COL4A2: variants seen among roughly 807,000 people sequenced by gnomAD.
COL4A2 encodes the protein collagen type IV alpha 2 chain.
In COL4A2, 99 loss-of-function variants were observed where a neutral mutation model predicts 200.2. The observed-to-expected ratio is 0.49, with a 90% CI of 0.42 to 0.58. COL4A2 has a LOEUF of 0.58. Among genes scored for constraint, COL4A2 ranks in the 20% least tolerant of loss-of-function variants. The probability of loss-of-function intolerance (pLI) is 0.00; values close to 1 mark genes in which losing one functional copy is unlikely to be tolerated. For synonymous variants in COL4A2, 897 were observed against 900.6 expected, an observed-to-expected ratio of 1.00 and a Z score of 0.07; for missense variants, 1,950 against 2,314.1, an observed-to-expected ratio of 0.84 and a Z score of 3.23.
At chr13:110,470,994 G>A (rs1283383465) in intron 28 of COL4A2, among the ~76,000 whole-genome samples, 2 of 152,102 alleles carry the variant, frequency 1.3e-5, no homozygotes, top group East Asian at 1.9e-4. Flanking sequence ...TGAAGCAAAG[G>A]AAGTCTCCAT....
rs1297799101 is a variant in COL4A2 at position 110,504,355 on chromosome 13, C to T, written c.4402+91C>T. On this transcript the variant is annotated intron_variant, in intron 45 of 47. Transcript: ENST00000360467. ...TCTGCAGGAAGGGGACACACGAGAG[C>T]CCAGAAAAGCCAGAAATGAGGCGCT... 6.5e-6 allele frequency: 7 copies of T among 1,079,160 alleles called. No homozygotes were observed. The African/African-American group carries it at 1.1e-4, about 17-fold the overall frequency. 66.8% of individuals were successfully genotyped at this position (1,079,160 alleles called of 1,614,324 possible).
intron 29 of COL4A2, chr13:110,477,793 G>A (rs1288877249): frequency 4.8e-6 from 2 of 415,300 alleles, no homozygotes; most frequent in African/African-American, 4.1e-5. Flanking sequence ...ACAAGGGCAG[G>A]AAGGAAATTC....
chr13:110,355,415 GTGT>G (rs1272644530), intron 3 of COL4A2, among the ~76,000 whole-genome samples: 14 of 105,320 alleles, frequency 1.3e-4, no homozygotes, highest in East Asian at 2.9e-4. Flanking sequence ...TCACCTGTGT[GTGT>G]GGGGGAGGGC....
rs151286335 is a variant in COL4A2 at position 110,431,503 on chromosome 13, C to G, written c.649-822C>G. 5.3e-5 allele frequency among the ~76,000 whole-genome samples: 8 copies of G among 152,312 alleles called. No homozygotes were observed. The East Asian group carries it at 1.5e-3, about 29-fold the overall frequency. ...CCCGGTGCTGTGAAAGTCATTCTTG[C>G]AAGTAGCCCCGTCTGTGAAAGACCT... On this transcript the variant is annotated intron_variant, in intron 10 of 47. Transcript: ENST00000360467.
Position 110,504,202 on chromosome 13 carries a change from C to G in COL4A2, c.4340C>G (p.Ala1447Gly). 1 of 1,614,170 alleles carries G rather than the reference C, an allele frequency of 6.2e-7. No individual in the cohort carries two copies. The highest frequency in any genetic ancestry group is 8.5e-7 in the Non-Finnish European group (1 of 1,180,026). ...AGPQGRGGVSAVPGFRGDEGP... is the reference protein window; with the variant it reads ...AGPQGRGGVSGVPGFRGDEGP... ...CCCCAAGGAAGAGGTGGTGTGTCTG[C>G]TGTTCCCGGCTTCCGGGGAGATGAA... Residue 1447 changes from alanine (A) to glycine (G), a missense_variant, in exon 45 of 48, where the codon GCT (alanine) becomes GGT (glycine). Physicochemically the swap from Ala to Gly is moderately conservative, Grantham distance 60. Around this residue, in one of 2 missense-constraint regions of COL4A2, gnomAD observed 1,385 missense variants for 1,720.5 expected, o/e 0.80. Coordinates refer to ENST00000360467, the MANE Select transcript of COL4A2 (RefSeq NM_001846.4).
At chr13:110,443,689 C>T (rs1432246503) in intron 16 of COL4A2, among the ~76,000 whole-genome samples, 1 of 152,154 alleles carries the variant, frequency 6.6e-6, no homozygotes, top group African/African-American at 2.4e-5. Context: ...TCAGCTTTCC[C>T]TAAGGGTGGG....
intron 18 of COL4A2, 80 bp from the exon 19 acceptor site, chr13:110,449,599 T>C: frequency 7.6e-7 from 1 of 1,319,694 alleles, no homozygotes; most frequent in Non-Finnish European, 1.0e-6. Context: ...GGTAAATATG[T>C]AGTCAATGAA....
chr13:110,355,691 T>A (rs59697516), intron 3 of COL4A2, among the ~76,000 whole-genome samples: 1 of 21,934 alleles, frequency 4.6e-5, no homozygotes. Context: ...GGTGGAGGGC[T>A]GTACAGCTCA....
At chr13:110,495,196 G>T in intron 39 of COL4A2, 146 bp from the exon 40 acceptor site, 1 of 879,280 alleles carries the variant, frequency 1.1e-6, no homozygotes, top group African/African-American at 1.7e-5. Flanking sequence ...GTGACCTGGA[G>T]GCCATATATT....
intron 3 of COL4A2, among the ~76,000 whole-genome samples, chr13:110,343,650 G>A (rs905030762): frequency 2.6e-5 from 4 of 152,238 alleles, no homozygotes; most frequent in African/African-American, 9.6e-5. Flanking sequence ...AAAGCTGCAG[G>A]CACCTGAGGC....
chr13:110,467,026 C>T lies in COL4A2; in HGVS notation c.2039-14C>T. Reference sequence around the variant, plus strand: ...GGATTGCTTGGGCTCATCTTTTCTCCTTTCTGTCCCCAGGTTGCATAGGAG... The same window carrying T: ...GGATTGCTTGGGCTCATCTTTTCTCTTTTCTGTCCCCAGGTTGCATAGGAG... On this transcript the variant is annotated splice_polypyrimidine_tract_variant and intron_variant, in intron 26 of 47. Transcript: ENST00000360467. 1 of 1,613,980 alleles carries T rather than the reference C, an allele frequency of 6.2e-7. No individual in the cohort carries two copies. The highest frequency in any genetic ancestry group is 8.5e-7 in the Non-Finnish European group (1 of 1,179,948).
At chr13:110,321,391 T>A (rs1301532354) in intron 3 of COL4A2, among the ~76,000 whole-genome samples, 2 of 152,214 alleles carry the variant, frequency 1.3e-5, no homozygotes, top group East Asian at 3.8e-4. Context: ...GCATTAAACA[T>A]ATCACATTTT....
At chr13:110,478,285 G>C (rs1206099358) in intron 30 of COL4A2, 121 bp downstream of exon 30, 2 of 990,580 alleles carry the variant, frequency 2.0e-6, no homozygotes, top group Non-Finnish European at 2.8e-6. Context: ...GAGGTGCAGG[G>C]GTTCCCAAAC....
In COL4A2 at chr13:110,503,857, G is replaced by A. The variant is rs770049193; in HGVS notation, c.4149G>A (p.Gly1383=). ...KGDPGFPGAP[G]TVGAPGIAGI... ...CTGTTTCCCTTCCAGGTGCCCCCGG[G>A]ACTGTGGGAGCCCCCGGGATTGCAG... The change falls in exon 44 of 48, where the codon GGG becomes GGA. Residue 1383 remains glycine, a synonymous_variant. Coordinates refer to ENST00000360467, the MANE Select transcript of COL4A2 (RefSeq NM_001846.4). 6.2e-7 allele frequency: 1 copy of A among 1,613,988 alleles called. No homozygotes were observed. The highest frequency in any genetic ancestry group is 8.5e-7 in the Non-Finnish European group (1 of 1,179,920).
At chr13:110,468,371 A>G (rs1321919701) in intron 27 of COL4A2, 1 of 469,256 alleles carries the variant, frequency 2.1e-6, no homozygotes, top group Non-Finnish European at 4.4e-6. Context: ...CAACCCCCAA[A>G]ATGGTGACAA....
intron 3 of COL4A2, among the ~76,000 whole-genome samples, chr13:110,340,390 C>T (rs988126459): frequency 6.6e-6 from 1 of 152,206 alleles, no homozygotes; most frequent in Non-Finnish European, 1.5e-5. Flanking sequence ...TTACTCTAGC[C>T]ACAGATATGG....
chr13:110,489,937 T>C (rs1173048213), intron 36 of COL4A2, 152 bp downstream of exon 36: 14 of 734,302 alleles, frequency 1.9e-5, no homozygotes, highest in Non-Finnish European at 2.5e-5. Flanking sequence ...AGAAAGACCG[T>C]CGTTTTTAAT....
At chr13:110,354,834 G>A (rs543879915) in intron 3 of COL4A2, among the ~76,000 whole-genome samples, 1 of 152,328 alleles carries the variant, frequency 6.6e-6, no homozygotes, top group African/African-American at 2.4e-5. Flanking sequence ...TTTTGGGTCA[G>A]AAGCCTGCGT....
chr13:110,365,193 C>T (rs1877691806), intron 4 of COL4A2, among the ~76,000 whole-genome samples: 1 of 151,884 alleles, frequency 6.6e-6, no homozygotes, highest in Non-Finnish European at 1.5e-5. Context: ...CTGGGCTGGA[C>T]CGCAGTGGCG....
Sources: allele counts gnomAD v4.1 joint callset (sites outside exome capture counted in the v4.1 genomes callset), GRCh38; gene constraint gnomAD v4.1.1; regional missense constraint gnomAD v4.1.1; transcripts MANE v1.5; gene names NCBI Gene and HGNC (gene_info 2026-07-23, HGNC 2026-07-21).